Variants in KLRG1 observed in about 807,000 individuals in gnomAD.
KLRG1 encodes killer cell lectin like receptor G1, also known as killer cell lectin-like receptor subfamily G member 1.
Under a neutral mutation model 21.8 loss-of-function variants are expected in KLRG1, and 16 were observed. The observed-to-expected ratio is 0.73, with a 90% CI of 0.50 to 1.11. KLRG1 has a LOEUF of 1.11. Ranked by LOEUF, KLRG1 falls within the 50% of genes most tolerant of loss-of-function variation. The pLI, the probability that KLRG1 is intolerant of heterozygous loss-of-function variation, is 0.00. For synonymous variants in KLRG1, 69 were observed against 75.9 expected, an observed-to-expected ratio of 0.91 and a Z score of 0.47; for missense variants, 173 against 218.3, an observed-to-expected ratio of 0.79 and a Z score of 1.31.
the KLRG1 span, among the ~76,000 whole-genome samples, chr12:9,063,154 A>G: frequency 6.6e-6 from 1 of 152,210 alleles, no homozygotes; most frequent in Non-Finnish European, 1.5e-5. Context: ...ATAGGCATGA[A>G]CCACTGCTCC....
At chr12:8,995,004 T>C (rs1947086274) in intron 2 of KLRG1, 115 bp from the exon 3 acceptor site, 1 of 858,462 alleles carries the variant, frequency 1.2e-6, no homozygotes, top group East Asian at 2.6e-5. Context: ...ACCCTTAATC[T>C]GAAAAGTGGT....
chr12:9,164,164 G>C, the KLRG1 span: 2 of 1,611,118 alleles, frequency 1.2e-6, no homozygotes, highest in Middle Eastern at 3.3e-4. Flanking sequence ...TCCAAGACAA[G>C]GTTTGTCTCT....
the KLRG1 span, chr12:9,169,115 G>C: frequency 1.6e-6 from 1 of 607,978 alleles, no homozygotes; most frequent in Non-Finnish European, 2.8e-6. Context: ...ATATAGAGTA[G>C]TGAAATTACT....
chr12:9,058,269 T>C, the KLRG1 span: 1 of 152,342 alleles, frequency 6.6e-6, no homozygotes, highest in South Asian at 2.1e-4. Flanking sequence ...TCTCTATGTA[T>C]AATTTATCTA....
At chr12:9,135,394 C>A in the KLRG1 span, 1 of 339,468 alleles carries the variant, frequency 2.9e-6, no homozygotes, top group South Asian at 3.3e-5. Context: ...TCACGCTCAC[C>A]TCAACCTATG....
At chr12:8,988,060 C>T (rs779669348), upstream of KLRG1, among the ~76,000 whole-genome samples, 4 of 152,298 alleles carry the variant, frequency 2.6e-5, no homozygotes, top group South Asian at 8.3e-4. Flanking sequence ...TCAGCTTGGA[C>T]TTGCAGAGTT....
the KLRG1 span, chr12:9,058,498 T>C: frequency 6.6e-6 from 1 of 152,168 alleles, no homozygotes; most frequent in Non-Finnish European, 1.5e-5. Context: ...AATATTCATA[T>C]GCTCATTGTA....
chr12:9,141,742 A>G, the KLRG1 span, among the ~76,000 whole-genome samples: 2 of 152,182 alleles, frequency 1.3e-5, no homozygotes. Flanking sequence ...AATAGTCTTA[A>G]ATACATGTTA....
chr12:9,042,155 T>C, the KLRG1 span, among the ~76,000 whole-genome samples: 2 of 152,198 alleles, frequency 1.3e-5, no homozygotes, highest in Non-Finnish European at 2.9e-5. Context: ...CCTAGGATGT[T>C]GAATATACCA....
chr12:8,991,873 T>C (rs1247423063), intron 1 of KLRG1, among the ~76,000 whole-genome samples: 1 of 152,184 alleles, frequency 6.6e-6, no homozygotes, highest in Non-Finnish European at 1.5e-5. Flanking sequence ...GGTACATGCC[T>C]TTGCCGTTTT....
At chr12:9,147,475 C>T in the KLRG1 span, among the ~76,000 whole-genome samples, 5 of 152,100 alleles carry the variant, frequency 3.3e-5, no homozygotes, top group South Asian at 1.0e-3. Context: ...TCTCATAAGC[C>T]GTAGCATGTC....
At position 8,961,568 on chromosome 12, in the gene KLRG1, A is replaced by G. The variant is rs1000613210; in HGVS notation, c.-156+11332A>G. ...GCTGGGGTTACAGGCACCCACCACC[A>G]TGCTCAGCTAATTTTTGTATTTTTT... is the stretch of plus-strand genomic sequence containing the variant. On this transcript the variant is annotated intron_variant, in intron 1 of 4. Coordinates refer to the KLRG1 transcript ENST00000539240. 4.7e-5 allele frequency among the ~76,000 whole-genome samples: 7 copies of G among 147,444 alleles called. No homozygotes were observed. In the East Asian group the frequency reaches 1.4e-3, roughly 30 times the overall value.
chr12:8,995,074 C>T lies in KLRG1; in HGVS notation c.188-45C>T, dbSNP rs761962582. 2.1e-4 allele frequency: 322 copies of T among 1,502,380 alleles called. 2 individuals carry two copies. In the South Asian group the frequency reaches 4.2e-3, roughly 19 times the overall value. 93.1% of individuals were successfully genotyped at this position (1,502,380 alleles called of 1,614,324 possible). A position where few individuals can be genotyped will look rare whatever the true frequency, so the allele number is the denominator to read the frequency against. On this transcript the variant is annotated intron_variant, in intron 2 of 4. Transcript: ENST00000356986. ...TTTATCTCCCATTTCATTTCCAAGA[C>T]TGAGTGGTCCATAAAGATGTGAACC...
At chr12:9,144,229 G>C in the KLRG1 span, among the ~76,000 whole-genome samples, 1 of 152,280 alleles carries the variant, frequency 6.6e-6, no homozygotes, top group African/African-American at 2.4e-5. Context: ...TGAGGGAGGA[G>C]GAGGGGACAA....
the KLRG1 span, among the ~76,000 whole-genome samples, chr12:9,070,977 C>T: frequency 6.6e-5 from 10 of 152,286 alleles, no homozygotes; most frequent in African/African-American, 2.2e-4. Context: ...TGCACCACCA[C>T]GTCCGACTAA....
At chr12:9,000,941 G>A (rs1947288628) in intron 3 of KLRG1, among the ~76,000 whole-genome samples, 1 of 152,092 alleles carries the variant, frequency 6.6e-6, no homozygotes, top group African/African-American at 2.4e-5. Flanking sequence ...AAAATTATAG[G>A]GAAAATTCTT....
chr12:9,213,390 A>C, the KLRG1 span, among the ~76,000 whole-genome samples: 1 of 152,182 alleles, frequency 6.6e-6, no homozygotes, highest in African/African-American at 2.4e-5. Context: ...AACTTTTTGC[A>C]GAACTGCCAG....
chr12:9,151,773 G>A, the KLRG1 span: 7 of 891,702 alleles, frequency 7.9e-6, no homozygotes, highest in Non-Finnish European at 1.2e-5. Context: ...GTCATTCTCT[G>A]AAGAGAAGAA....
the KLRG1 span, among the ~76,000 whole-genome samples, chr12:9,097,632 CTTTTT>C: frequency 4.7e-5 from 6 of 127,106 alleles, no homozygotes; most frequent in Non-Finnish European, 6.6e-5. Context: ...TGATGTAATT[CTTTTT>C]TTTTTTTTTT....
Sources: gnomAD v4.1 joint callset for allele counts (sites outside exome capture counted in the v4.1 genomes callset) on GRCh38, gnomAD v4.1.1 for gene constraint, MANE v1.5 for transcripts, NCBI Gene and HGNC (gene_info 2026-07-23, HGNC 2026-07-21) for gene names.